TBC1D31: variants seen among roughly 807,000 people sequenced by gnomAD.
TBC1D31 encodes the protein WD repeat domain 67.
Under a neutral mutation model 132.9 loss-of-function variants are expected in TBC1D31, and 99 were observed. The ratio of observed to expected loss-of-function variants is 0.74; its 90% CI spans 0.63 to 0.88. The LOEUF (loss-of-function observed/expected upper bound fraction) is 0.88, where lower values mean the gene tolerates loss of function less well. TBC1D31 is among the 40% of genes least tolerant of loss of function. The pLI is 0.00. For missense variants in TBC1D31, 1,134 were observed against 1,256.6 expected (o/e 0.90, Z 1.48); for synonymous variants, 385 against 419.4 (o/e 0.92, Z 1.00).
rs1586700654 is a variant in TBC1D31 at position 123,130,343 on chromosome 8, TCTTAA to T, written c.2406+15_2406+19del. On this transcript the variant is annotated intron_variant, in intron 16 of 21. Coordinates refer to ENST00000287380, the MANE Select transcript of TBC1D31 (RefSeq NM_145647.4). ...TGAAATTGGGAGAAAGGTTTATTATTCTTAACTTAGTTCTCATACATCATCTCCAT... is the reference window on the plus strand; with the variant it reads ...TGAAATTGGGAGAAAGGTTTATTATTCTTAGTTCTCATACATCATCTCCAT... 2 of 1,605,728 alleles carry T rather than the reference TCTTAA, an allele frequency of 1.2e-6. No homozygotes were observed. Among genetic ancestry groups the T allele is most frequent in the African/African-American group, 1.3e-5 (1 of 74,808 alleles).
intron 2 of TBC1D31, among the ~76,000 whole-genome samples, chr8:123,078,116 C>T (rs1437730962): frequency 2.6e-5 from 4 of 152,060 alleles, no homozygotes; most frequent in African/African-American, 7.2e-5. Context: ...CAATTTAGTC[C>T]GAAAGCAATT....
chr8:123,082,286 G>A (rs991305559), intron 2 of TBC1D31, among the ~76,000 whole-genome samples: 4 of 151,884 alleles, frequency 2.6e-5, no homozygotes, highest in Admixed American at 6.6e-5. Flanking sequence ...ACGCAAGATC[G>A]GGTCCTGATT....
chr8:123,117,065 A>G (rs1818988963), intron 10 of TBC1D31, among the ~76,000 whole-genome samples: 1 of 152,244 alleles, frequency 6.6e-6, no homozygotes, highest in Admixed American at 6.5e-5. Flanking sequence ...CTGCAATCCC[A>G]GCACTTTGGG....
intron 1 of TBC1D31, 139 bp downstream of exon 1, chr8:123,072,985 C>A: frequency 1.2e-6 from 1 of 813,028 alleles, no homozygotes; most frequent in Non-Finnish European, 2.0e-6. Context: ...TGCGGTGGAA[C>A]AGATGGCTCC....
chr8:123,143,731 G>A lies in TBC1D31; in HGVS notation c.2836-986G>A, dbSNP rs560478425. ...TTCTAGGACAGGAAAGAAGGGCTTG[G>A]AGAGGGTGGGGGTAATATCCAGAAC... On this transcript the variant is annotated intron_variant, in intron 19 of 21. Coordinates refer to ENST00000287380, the MANE Select transcript of TBC1D31 (RefSeq NM_145647.4). Among the ~76,000 whole-genome samples, 8 of 152,300 alleles carry A rather than the reference G, an allele frequency of 5.3e-5. No individual in the cohort carries two copies. The South Asian group carries it at 1.7e-3, about 32-fold the overall frequency.
intron 11 of TBC1D31, chr8:123,123,517 G>T: frequency 6.5e-6 from 1 of 153,632 alleles, no homozygotes. Context: ...CACTGCAGAT[G>T]ACAAACAGCC....
Position 123,134,108 on chromosome 8 carries a change from C to A in TBC1D31, c.2407-6C>A. 1.2e-6 allele frequency: 2 copies of A among 1,605,134 alleles called. No homozygotes were observed. Among genetic ancestry groups the A allele is most frequent in the Non-Finnish European group, 1.7e-6 (2 of 1,174,122 alleles). ...TTGGTATTTACAGTTTGTTGTTTGG[C>A]CATAGGTATATATGAGAGATCGAGA... On this transcript the variant is annotated splice_region_variant and splice_polypyrimidine_tract_variant and intron_variant, in intron 16 of 21. Coordinates refer to ENST00000287380, the MANE Select transcript of TBC1D31 (RefSeq NM_145647.4).
chr8:123,164,286 C>A, the TBC1D31 span, among the ~76,000 whole-genome samples: 1 of 152,180 alleles, frequency 6.6e-6, no homozygotes, highest in Admixed American at 6.5e-5. Context: ...TTTAAGGCCC[C>A]TGCTCTGGGT....
chr8:123,161,994 GATA>G, the TBC1D31 span, among the ~76,000 whole-genome samples: 1 of 131,620 alleles, frequency 7.6e-6, no homozygotes, highest in Non-Finnish European at 1.5e-5. Flanking sequence ...CTCCAGCCTG[GATA>G]ACAGCGTGAG....
intron 20 of TBC1D31, among the ~76,000 whole-genome samples, chr8:123,146,814 C>A (rs546003340): frequency 2.8e-4 from 42 of 151,626 alleles, no homozygotes; most frequent in Non-Finnish European, 5.2e-4. Context: ...CTTCCTGAGT[C>A]GCTGGGACTA....
chr8:123,076,877 A>C (rs944002798), intron 1 of TBC1D31, among the ~76,000 whole-genome samples: 2 of 152,186 alleles, frequency 1.3e-5, no homozygotes, highest in African/African-American at 4.8e-5. Context: ...TGTGTCTGAC[A>C]CAGTGAGTTT....
intron 4 of TBC1D31, among the ~76,000 whole-genome samples, chr8:123,087,837 A>G (rs1190940036): frequency 6.6e-6 from 1 of 152,176 alleles, no homozygotes; most frequent in Non-Finnish European, 1.5e-5. Context: ...ATAAAACTAA[A>G]TGTGAAAATG....
rs1305684848 is a variant in TBC1D31 at position 123,128,190 on chromosome 8, T to C, written c.1885-91T>C. On this transcript the variant is annotated intron_variant, in intron 13 of 21. Coordinates refer to ENST00000287380, the MANE Select transcript of TBC1D31 (RefSeq NM_145647.4). ...GCAAAAAAATATATATTCTTAAAGA[T>C]AGATACACTTTTTTTAAATTCTTGT... 1.1e-5 allele frequency: 7 copies of C among 655,470 alleles called. No homozygotes were observed. The Admixed American group carries it at 1.5e-4, about 14-fold the overall frequency. The allele number at this position is 655,470 out of a possible 1,614,324, so 40.6% of individuals were successfully genotyped here.
intron 2 of TBC1D31, among the ~76,000 whole-genome samples, chr8:123,079,787 C>T (rs1166723290): frequency 6.6e-6 from 1 of 152,194 alleles, no homozygotes; most frequent in African/African-American, 2.4e-5. Context: ...TTCAAGCTTT[C>T]CTTTCTCCTT....
rs747771975 is a variant in TBC1D31 at position 123,134,095 on chromosome 8, G to A, written c.2407-19G>A. 10 of 1,577,460 alleles carry A rather than the reference G, an allele frequency of 6.3e-6. No individual in the cohort carries two copies. The highest frequency in any genetic ancestry group is 6.1e-6 in the Non-Finnish European group (7 of 1,155,314). ...TTGTAAATTCTTTTTGGTATTTACA[G>A]TTTGTTGTTTGGCCATAGGTATATA... On this transcript the variant is annotated intron_variant, in intron 16 of 21. Transcript: ENST00000287380.
intron 17 of TBC1D31, among the ~76,000 whole-genome samples, chr8:123,136,519 C>T (rs1371272540): frequency 3.3e-5 from 5 of 152,154 alleles, no homozygotes; most frequent in Admixed American, 6.5e-5. Flanking sequence ...GGCGCGATCT[C>T]GGCTCACTGC....
intron 5 of TBC1D31, among the ~76,000 whole-genome samples, chr8:123,094,165 C>T (rs977525528): frequency 2.7e-4 from 41 of 151,552 alleles, no homozygotes; most frequent in African/African-American, 8.2e-4. Context: ...CCCGGGTTCA[C>T]GCGATTCTTC....
intron 11 of TBC1D31, among the ~76,000 whole-genome samples, chr8:123,125,430 T>C (rs1186513248): frequency 6.6e-6 from 1 of 152,184 alleles, no homozygotes; most frequent in Non-Finnish European, 1.5e-5. Context: ...TGAAACAAGT[T>C]GTCAATGATC....
At chr8:123,144,686 G>A in intron 19 of TBC1D31, 31 bp from the exon 20 acceptor site, 2 of 1,588,706 alleles carry the variant, frequency 1.3e-6, no homozygotes, top group Middle Eastern at 1.7e-4. Flanking sequence ...TACTTTTTAT[G>A]TAATCTTTTT....
Sources: gnomAD v4.1 joint callset for allele counts (sites outside exome capture counted in the v4.1 genomes callset) on GRCh38, gnomAD v4.1.1 for gene constraint, MANE v1.5 for transcripts, NCBI Gene and HGNC (gene_info 2026-07-23, HGNC 2026-07-21) for gene names.